PIK3C2B: variants seen among roughly 807,000 people sequenced by gnomAD.
PIK3C2B encodes the protein phosphatidylinositol 4-phosphate 3-kinase C2 domain-containing subunit beta.
PIK3C2B carries 83 observed loss-of-function variants against 184.3 expected under a neutral mutation model. The observed-to-expected ratio is 0.45, with a 90% CI of 0.38 to 0.54. The LOEUF (loss-of-function observed/expected upper bound fraction) is 0.54. PIK3C2B is among the 20% of genes least tolerant of loss of function. The pLI is 0.00. For synonymous variants in PIK3C2B, 779 were observed against 837.6 expected, an observed-to-expected ratio of 0.93 and a Z score of 1.21; for missense variants, 1,736 against 2,113.5, an observed-to-expected ratio of 0.82 and a Z score of 3.50.
Position 204,465,317 on chromosome 1 carries a change from C to T in PIK3C2B, c.936G>A (p.Val312=), listed in dbSNP as rs567604497. 3 of 1,607,794 alleles carry T rather than the reference C, an allele frequency of 1.9e-6. No homozygotes were observed. In the African/African-American group the frequency reaches 4.0e-5, roughly 21 times the overall value. The stretch of plus-strand genomic sequence containing the variant: ...TGGCAACAGTGTGGGGCCGGGAGCC[C>T]ACCTTTAAGAGAAGAGCAGACGACT... The part of the protein sequence containing the change: ...GKNRRISAAP[V]GSRPHTVANG... Residue 312 remains valine (V), a splice_region_variant and synonymous_variant, in exon 3 of 33, where the codon GTG becomes GTA. Coordinates refer to ENST00000684373, the MANE Select transcript of PIK3C2B (RefSeq NM_001377334.1).
In PIK3C2B at chr1:204,437,230, C is replaced by T. The variant is rs559067177; in HGVS notation, c.3516+1705G>A. Among the ~76,000 whole-genome samples the T allele has an allele frequency of 2.6e-5, 4 of 152,206 alleles. No individual in the cohort carries two copies. The East Asian group carries it at 5.8e-4, about 22-fold the overall frequency. On this transcript the variant is annotated intron_variant, in intron 23 of 32. Transcript: ENST00000684373. ...AAAACAACAGCTGGGCACTGTGGCT[C>T]ATGCCTGTAATCCCAGCACTATGGG...
Position 204,457,199 on chromosome 1 carries a change from C to G in PIK3C2B, c.1714-129G>C, listed in dbSNP as rs923378231. ...GCTGAAATGTGAGTAGCTGAGAATC[C>G]CCAGAGAGGAGAGAGTAATGGTTTG... On this transcript the variant is annotated intron_variant, in intron 9 of 32. Coordinates refer to ENST00000684373, the MANE Select transcript of PIK3C2B (RefSeq NM_001377334.1). The G allele has an allele frequency of 1.8e-5, 13 of 719,588 alleles. 1 individual carries two copies. In the Middle Eastern group the frequency reaches 1.2e-3, roughly 68 times the overall value. The allele number at this position is 719,588 out of a possible 1,614,324, so 44.6% of individuals were successfully genotyped here.
At chr1:204,445,560 C>T (rs1337763870) in intron 16 of PIK3C2B, among the ~76,000 whole-genome samples, 1 of 150,296 alleles carries the variant, frequency 6.7e-6, no homozygotes, top group African/African-American at 2.4e-5. Context: ...CATATGCATG[C>T]CACTGCACTC....
intron 17 of PIK3C2B, 33 bp downstream of exon 17, chr1:204,444,298 C>G: frequency 6.4e-7 from 1 of 1,574,702 alleles, no homozygotes; most frequent in East Asian, 2.2e-5. Context: ...GGGATGGGAC[C>G]AGCAAAACTG....
Position 204,459,904 on chromosome 1 carries a change from C to T in PIK3C2B, c.1540G>A (p.Glu514Lys). 7 of 1,613,924 alleles carry T rather than the reference C, an allele frequency of 4.3e-6. No homozygotes were observed. Among genetic ancestry groups the T allele is most frequent in the Non-Finnish European group, 5.1e-6 (6 of 1,179,996 alleles). ...TCAGCCAGCAGGAAGGCATCCACCT[C>T]ATTGTGGTAAGTGTCGAACAGAAGA... ...LSLLFDTYHNEVDAFLLADGD... is the reference protein window; with the variant it reads ...LSLLFDTYHNKVDAFLLADGD... Residue 514 changes from glutamate (E) to lysine (K), a missense_variant, in exon 8 of 33, where the codon GAG becomes AAG. Glu to Lys is a moderately conservative substitution (Grantham distance 56). Transcript: ENST00000684373.
chr1:204,449,072 C>T (rs1394682171), intron 14 of PIK3C2B, 113 bp downstream of exon 14: 2 of 749,532 alleles, frequency 2.7e-6, no homozygotes, highest in Non-Finnish European at 4.6e-6. Flanking sequence ...TCCTCCCATG[C>T]TTGAAGTTCT....
intron 1 of PIK3C2B, among the ~76,000 whole-genome samples, chr1:204,482,795 T>A (rs913335395): frequency 6.6e-6 from 1 of 151,384 alleles, no homozygotes; most frequent in Non-Finnish European, 1.5e-5. Context: ...AACAAGATAT[T>A]CTCCAAGATG....
rs1355717609 is a variant in PIK3C2B at position 204,433,658 on chromosome 1, T to G, written c.3843+135A>C. 2.2e-6 allele frequency: 2 copies of G among 891,808 alleles called. No individual in the cohort carries two copies. The highest frequency in any genetic ancestry group is 3.6e-6 in the Non-Finnish European group (2 of 557,770). 55.2% of individuals were successfully genotyped at this position (891,808 alleles called of 1,614,324 possible). A position where few individuals can be genotyped will look rare whatever the true frequency, so the allele number is the denominator to read the frequency against. ...CAGGTAGTCTGGGTCCCTGCCTTTA[T>G]CTAGGGCAGGCAGGTATTCAGTTGG... On this transcript the variant is annotated intron_variant, in intron 25 of 32. Coordinates refer to ENST00000684373, the MANE Select transcript of PIK3C2B (RefSeq NM_001377334.1). The surrounding 1 kb of genome is among the most constrained non-coding windows in gnomAD (Gnocchi z 5.0).
At chr1:204,476,617 C>G (rs1328492507) in intron 1 of PIK3C2B, among the ~76,000 whole-genome samples, 2 of 152,206 alleles carry the variant, frequency 1.3e-5, no homozygotes, top group Admixed American at 1.3e-4. Flanking sequence ...ACTAGGGATT[C>G]TGTATAAAAA....
At chr1:204,470,877 C>A (rs989323177) in intron 1 of PIK3C2B, among the ~76,000 whole-genome samples, 1 of 152,144 alleles carries the variant, frequency 6.6e-6, no homozygotes, top group African/African-American at 2.4e-5. Flanking sequence ...AGATGCCAGA[C>A]AAAACAGTAT....
Position 204,455,768 on chromosome 1 carries a change from G to A in PIK3C2B, c.1943+88C>T, listed in dbSNP as rs78519210. 1,259 of 1,016,668 alleles carry A rather than the reference G, an allele frequency of 1.2e-3. 14 individuals carry two copies. The African/African-American group carries it at 0.017, about 14-fold the overall frequency. 63.0% of individuals were successfully genotyped at this position (1,016,668 alleles called of 1,614,324 possible). A position where few individuals can be genotyped will look rare whatever the true frequency, so the allele number is the denominator to read the frequency against. ...CAATGCCACACATCCTAAGACTTAGGACAGTGGTATTACATGCAGATAGGA... is the reference window on the plus strand; with the variant it reads ...CAATGCCACACATCCTAAGACTTAGAACAGTGGTATTACATGCAGATAGGA... On this transcript the variant is annotated intron_variant, in intron 11 of 32. Coordinates refer to ENST00000684373, the MANE Select transcript of PIK3C2B (RefSeq NM_001377334.1).
In PIK3C2B at chr1:204,445,980, T is replaced by A; in HGVS notation, c.2654A>T (p.Asp885Val). 6.4e-7 allele frequency: 1 copy of A among 1,555,772 alleles called. No individual in the cohort carries two copies. Among genetic ancestry groups the A allele is most frequent in the South Asian group, 1.2e-5 (1 of 85,024 alleles). The change falls in exon 16 of 33, where the codon GAT becomes GTT. Residue 885 changes from aspartate to valine, a missense_variant. Physicochemically the swap from Asp to Val is radical, Grantham distance 152. Coordinates refer to ENST00000684373, the MANE Select transcript of PIK3C2B (RefSeq NM_001377334.1). Reference sequence around the variant, plus strand: ...CGTGGCATGCAGGAGCCCCAGGGCATCCTGGTGGTTCATGTGGGTCCACTG... The same window carrying A: ...CGTGGCATGCAGGAGCCCCAGGGCAACCTGGTGGTTCATGTGGGTCCACTG... The part of the protein sequence containing the change: ...LKQWTHMNHQ[D>V]ALGLLHATFP...
chr1:204,445,851 C>T, intron 16 of PIK3C2B, 105 bp downstream of exon 16: 2 of 656,832 alleles, frequency 3.0e-6, no homozygotes, highest in Admixed American at 3.0e-5. Flanking sequence ...TATCCACACC[C>T]ACTTTACCAT....
chr1:204,439,597 T>G (rs1675533686), intron 22 of PIK3C2B, among the ~76,000 whole-genome samples: 1 of 152,120 alleles, frequency 6.6e-6, no homozygotes, highest in Non-Finnish European at 1.5e-5. Context: ...CAATCTATAT[T>G]CAAACTTCCC....
chr1:204,484,059 C>T (rs1178934019), intron 1 of PIK3C2B, among the ~76,000 whole-genome samples: 11 of 152,070 alleles, frequency 7.2e-5, no homozygotes, highest in Admixed American at 3.9e-4. Flanking sequence ...ACTGTAGCAA[C>T]GGGAGTGAGG....
intron 12 of PIK3C2B, 25 bp from the exon 13 acceptor site, chr1:204,450,042 A>T: frequency 6.5e-7 from 1 of 1,527,458 alleles, no homozygotes; most frequent in South Asian, 1.2e-5. Context: ...AAGTCAAATT[A>T]GGAGGGGCCA....
Position 204,433,387 on chromosome 1 carries a change from C to T in PIK3C2B, c.3882G>A (p.Glu1294=). 6.2e-7 allele frequency: 1 copy of T among 1,612,282 alleles called. No individual in the cohort carries two copies. The highest frequency in any genetic ancestry group is 1.1e-5 in the South Asian group (1 of 91,024). Residue 1294 remains glutamate, a synonymous_variant, in exon 26 of 33, where the codon GAG becomes GAA. Transcript: ENST00000684373. The surrounding 1 kb of genome is among the most constrained non-coding windows in gnomAD (Gnocchi z 5.0). The part of the protein sequence containing the change: ...SCGIPELSDL[E]DLKYVYDALR... ...GGGCATCGTACACATACTTGAGGTC[C>T]TCCAGGTCTGAGAGTTCAGGGATCC... is the stretch of plus-strand genomic sequence containing the variant.
intron 21 of PIK3C2B, 33 bp downstream of exon 21, chr1:204,441,438 C>G: frequency 1.4e-6 from 2 of 1,465,866 alleles, no homozygotes; most frequent in Non-Finnish European, 1.9e-6. Flanking sequence ...CTCTCCCACC[C>G]TGGTCCACCA....
In PIK3C2B at chr1:204,454,732, G is replaced by C. The variant is rs1467364532; in HGVS notation, c.2003C>G (p.Pro668Arg). ...GAAGTGAGCTCTTCGGGTCTGCAGG[G>C]GGCTGCACAGCTCCTTGCCGCCATG... ...LSHGGKELCS[P>R]LQTRRAHFSK... Residue 668 changes from proline to arginine, a missense_variant, in exon 12 of 33, where the codon CCC (proline) becomes CGC (arginine). Around this residue, in one of 8 missense-constraint regions of PIK3C2B, gnomAD observed 609 missense variants for 699.2 expected, o/e 0.87. Transcript: ENST00000684373. 1 of 1,613,610 alleles carries C rather than the reference G, an allele frequency of 6.2e-7. No homozygotes were observed. The highest frequency in any genetic ancestry group is 8.5e-7 in the Non-Finnish European group (1 of 1,179,972).
Sources: allele counts gnomAD v4.1 joint callset (sites outside exome capture counted in the v4.1 genomes callset), GRCh38; gene constraint gnomAD v4.1.1; regional missense constraint gnomAD v4.1.1; non-coding constraint Gnocchi (gnomAD v3.1); transcripts MANE v1.5; gene names NCBI Gene and HGNC (gene_info 2026-07-23, HGNC 2026-07-21).